Variants in DOCK3 observed in about 807,000 individuals in gnomAD.
The protein encoded by DOCK3 is dedicator of cytokinesis protein 3.
A neutral mutation model predicts 265.6 loss-of-function variants in DOCK3; 60 were observed. That is an observed-to-expected ratio of 0.23 (90% confidence interval 0.18 to 0.28). DOCK3 has a LOEUF of 0.28. Among genes scored for constraint, DOCK3 ranks in the 10% least tolerant of loss-of-function variants. The pLI, the probability that DOCK3 is intolerant of heterozygous loss-of-function variation, is 1.00. For missense variants in DOCK3, 1,981 were observed against 2,594.3 expected (o/e 0.76, Z 5.14); for synonymous variants, 881 against 938.0 (o/e 0.94, Z 1.11).
chr3:51,239,041 T>C (rs1428820015), intron 21 of DOCK3, among the ~76,000 whole-genome samples: 1 of 152,192 alleles, frequency 6.6e-6, no homozygotes, highest in Non-Finnish European at 1.5e-5. Flanking sequence ...CCACACCGCT[T>C]TCCACAATGG....
intron 49 of DOCK3, among the ~76,000 whole-genome samples, chr3:51,369,707 C>T (rs998973989): frequency 6.6e-6 from 1 of 151,462 alleles, no homozygotes; most frequent in African/African-American, 2.4e-5. Context: ...GTAGGAGTGA[C>T]TGCTGTATGG....
intron 4 of DOCK3, among the ~76,000 whole-genome samples, chr3:50,916,108 G>A (rs774803897): frequency 5.1e-4 from 78 of 152,064 alleles, no homozygotes; most frequent in African/African-American, 1.8e-3. Context: ...ATGGGACATG[G>A]TGTCGGCTCC....
At chr3:50,787,250 A>T in intron 2 of DOCK3, 1 of 530,684 alleles carries the variant, frequency 1.9e-6, no homozygotes. Flanking sequence ...GACACCAGTG[A>T]GCATTAAATA....
chr3:50,713,056 C>T, intron 1 of DOCK3, among the ~76,000 whole-genome samples: 1 of 152,092 alleles, frequency 6.6e-6, no homozygotes, highest in East Asian at 1.9e-4. Context: ...GGGGAGTGCA[C>T]CTTTGTTAGT....
intron 13 of DOCK3, among the ~76,000 whole-genome samples, chr3:51,213,539 C>A (rs942437715): frequency 6.6e-6 from 1 of 152,180 alleles, no homozygotes; most frequent in African/African-American, 2.4e-5. Context: ...CTGAAATCCT[C>A]ATGGAGTCAA....
intron 3 of DOCK3, among the ~76,000 whole-genome samples, chr3:50,889,066 G>GGTGGGT (rs1553558566): frequency 1.6e-4 from 21 of 134,270 alleles, no homozygotes; most frequent in Admixed American, 8.9e-4. Context: ...TTAAGCCATG[G>GGTGGGT]GTGTGTGTGT....
At chr3:51,213,048 C>G (rs141185520) in intron 13 of DOCK3, among the ~76,000 whole-genome samples, 1,908 of 152,238 alleles carry the variant, frequency 0.013, 50 homozygotes, top group African/African-American at 0.042. Flanking sequence ...TCTGACTTCT[C>G]TCTTTATCTA....
intron 27 of DOCK3, among the ~76,000 whole-genome samples, chr3:51,306,820 T>G (rs1413573911): frequency 6.6e-6 from 1 of 152,240 alleles, no homozygotes; most frequent in Non-Finnish European, 1.5e-5. Context: ...ACACTTTCCT[T>G]TAATTCTTTA....
At chr3:50,778,867 G>A (rs2041758297) in intron 2 of DOCK3, 109 bp downstream of exon 2, 1 of 693,710 alleles carries the variant, frequency 1.4e-6, no homozygotes, top group East Asian at 2.9e-5. Context: ...GCCATAATTA[G>A]TCACATGATG....
At chr3:50,884,396 T>G (rs533975229) in intron 3 of DOCK3, among the ~76,000 whole-genome samples, 120 of 152,344 alleles carry the variant, frequency 7.9e-4, no homozygotes, top group African/African-American at 2.8e-3. Context: ...TGGCTGGATA[T>G]ATACCATTCA....
chr3:50,707,548 T>C (rs1054310585), intron 1 of DOCK3, among the ~76,000 whole-genome samples: 2 of 152,166 alleles, frequency 1.3e-5, no homozygotes, highest in Admixed American at 6.5e-5. Context: ...GTGTTGTCTG[T>C]GAATTTCTTA....
At chr3:51,117,170 G>T (rs1476947412) in intron 9 of DOCK3, among the ~76,000 whole-genome samples, 2 of 152,172 alleles carry the variant, frequency 1.3e-5, no homozygotes, top group African/African-American at 4.8e-5. Flanking sequence ...CTTTTAGTAT[G>T]CAGGGCTGTT....
At chr3:50,697,267 C>T (rs541880185) in intron 1 of DOCK3, among the ~76,000 whole-genome samples, 2 of 152,006 alleles carry the variant, frequency 1.3e-5, no homozygotes, top group Non-Finnish European at 2.9e-5. Flanking sequence ...TTATTTCTGT[C>T]GTTTACTTAA....
At chr3:50,816,031 G>T (rs1213644525) in intron 2 of DOCK3, among the ~76,000 whole-genome samples, 2 of 145,588 alleles carry the variant, frequency 1.4e-5, no homozygotes, top group Non-Finnish European at 3.0e-5. Flanking sequence ...GGAAAAACTG[G>T]TTTTTTTTTT....
intron 5 of DOCK3, among the ~76,000 whole-genome samples, chr3:50,992,350 T>G (rs1483056789): frequency 2.0e-5 from 3 of 152,214 alleles, no homozygotes; most frequent in Non-Finnish European, 4.4e-5. Context: ...CAGGCTTGTG[T>G]GAAGTGGCGT....
At chr3:50,789,236 C>G (rs1396856889) in intron 2 of DOCK3, among the ~76,000 whole-genome samples, 3 of 152,168 alleles carry the variant, frequency 2.0e-5, no homozygotes, top group Non-Finnish European at 4.4e-5. Flanking sequence ...TCATTGTTGA[C>G]CCAATGATCA....
At chr3:50,697,490 C>T (rs1488277151) in intron 1 of DOCK3, among the ~76,000 whole-genome samples, 1 of 152,098 alleles carries the variant, frequency 6.6e-6, no homozygotes, top group Non-Finnish European at 1.5e-5. Context: ...ACTTGGGAGG[C>T]TGAGGCAGGA....
chr3:51,164,549 G>A (rs1165111952), intron 12 of DOCK3, among the ~76,000 whole-genome samples: 3 of 151,702 alleles, frequency 2.0e-5, no homozygotes, highest in Middle Eastern at 3.4e-3. Flanking sequence ...GCGTGAACCC[G>A]GGAGGCAGAA....
chr3:51,379,862 A>G (rs1479349081), intron 51 of DOCK3, among the ~76,000 whole-genome samples: 7 of 152,266 alleles, frequency 4.6e-5, no homozygotes, highest in African/African-American at 1.7e-4. Flanking sequence ...GCAGTGGGCT[A>G]GAGCTGCCGC....
Sources: allele counts gnomAD v4.1 joint callset (sites outside exome capture counted in the v4.1 genomes callset), GRCh38; gene constraint gnomAD v4.1.1; transcripts MANE v1.5; gene names NCBI Gene and HGNC (gene_info 2026-07-23, HGNC 2026-07-21).